TMEM132B: variants seen among roughly 807,000 people sequenced by gnomAD.
TMEM132B encodes the protein transmembrane protein 132B.
TMEM132B carries 18 observed loss-of-function variants against 90.8 expected under a neutral mutation model. That is an observed-to-expected ratio of 0.20 (90% CI 0.14 to 0.29). The LOEUF (loss-of-function observed/expected upper bound fraction) is 0.29. TMEM132B is among the 10% of genes least tolerant of loss of function. TMEM132B has a pLI of 1.00. For missense variants in TMEM132B, 1,096 were observed against 1,326.8 expected, an observed-to-expected ratio of 0.83 and a Z score of 2.70; for synonymous variants, 504 against 523.3, an observed-to-expected ratio of 0.96 and a Z score of 0.50.
At chr12:125,255,384 G>A (rs1022380355) in intron 1 of TMEM132B, among the ~76,000 whole-genome samples, 1 of 152,264 alleles carries the variant, frequency 6.6e-6, no homozygotes, top group East Asian at 1.9e-4. Flanking sequence ...GCCCACGGGG[G>A]CGGCATGGCT....
intron 3 of TMEM132B, among the ~76,000 whole-genome samples, chr12:125,457,668 G>C (rs1455402904): frequency 6.6e-6 from 1 of 152,212 alleles, no homozygotes; most frequent in African/African-American, 2.4e-5. Context: ...ACAGGTGACG[G>C]TGAAGCTGCC....
At chr12:125,534,768 A>G (rs1883752736) in intron 4 of TMEM132B, among the ~76,000 whole-genome samples, 1 of 152,056 alleles carries the variant, frequency 6.6e-6, no homozygotes, top group Admixed American at 6.5e-5. Context: ...CCGCTCTTTC[A>G]GATGCCACAA....
At chr12:125,338,591 G>C (rs559284690) in intron 1 of TMEM132B, among the ~76,000 whole-genome samples, 2 of 152,242 alleles carry the variant, frequency 1.3e-5, no homozygotes, top group South Asian at 2.1e-4. Flanking sequence ...TTTCACACCT[G>C]TCCTTACTGT....
At chr12:125,595,882 T>A (rs930700154) in intron 5 of TMEM132B, among the ~76,000 whole-genome samples, 1 of 151,764 alleles carries the variant, frequency 6.6e-6, no homozygotes, top group South Asian at 2.1e-4. Context: ...TTTTTTTTTT[T>A]TCTCCCTACT....
chr12:125,565,257 G>A (rs555216255), intron 4 of TMEM132B, among the ~76,000 whole-genome samples: 7 of 152,314 alleles, frequency 4.6e-5, no homozygotes, highest in Admixed American at 4.6e-4. Flanking sequence ...CAGGATGCGA[G>A]ACAGAATCGT....
chr12:125,411,781 G>A (rs1015569898), intron 2 of TMEM132B, among the ~76,000 whole-genome samples: 1 of 152,298 alleles, frequency 6.6e-6, no homozygotes, highest in Admixed American at 6.5e-5. Flanking sequence ...GGCCACCTTG[G>A]TCTTTCCTCT....
intron 2 of TMEM132B, among the ~76,000 whole-genome samples, chr12:125,376,442 G>A (rs545304205): frequency 4.3e-4 from 66 of 152,330 alleles, no homozygotes; most frequent in South Asian, 1.2e-3. Flanking sequence ...GACTGGGAAC[G>A]TTGGTTGACA....
chr12:125,412,489 G>A (rs1281043329), intron 2 of TMEM132B, among the ~76,000 whole-genome samples: 1 of 152,192 alleles, frequency 6.6e-6, no homozygotes, highest in Non-Finnish European at 1.5e-5. Flanking sequence ...AAAGGAGTGG[G>A]GTTTGGAGTG....
chr12:125,358,159 G>A (rs146292939), intron 2 of TMEM132B, among the ~76,000 whole-genome samples: 117 of 152,180 alleles, frequency 7.7e-4, no homozygotes, highest in African/African-American at 2.7e-3. Context: ...GGGGGAGACA[G>A]CAAACACACA....
At chr12:125,594,675 G>A (rs931704641) in intron 5 of TMEM132B, among the ~76,000 whole-genome samples, 6 of 152,182 alleles carry the variant, frequency 3.9e-5, no homozygotes, top group Non-Finnish European at 5.9e-5. Flanking sequence ...GCCATCTACT[G>A]ATTTTGGTGA....
At chr12:125,248,007 G>A (rs1012268025) in intron 1 of TMEM132B, among the ~76,000 whole-genome samples, 8 of 152,178 alleles carry the variant, frequency 5.3e-5, no homozygotes, top group African/African-American at 1.9e-4. Flanking sequence ...TTGGATTAGC[G>A]CATGTGTTCT....
Position 125,277,617 on chromosome 12 carries a change from C to T in TMEM132B, c.68-71835C>T, listed in dbSNP as rs1024381809. The stretch of plus-strand genomic sequence containing the variant: ...GCCAGGGAACACCAAGGGTTTCCAG[C>T]GACCCCAGAGGCAAAGAGAAAGGCG... On this transcript the variant is annotated intron_variant, in intron 1 of 8. Transcript: ENST00000682704. This position sits in a 1 kb window ranked among gnomAD's most constrained non-coding sequence, Gnocchi z 4.3. Among the ~76,000 whole-genome samples, 13 of 151,842 alleles carry T rather than the reference C, an allele frequency of 8.6e-5. No individual in the cohort carries two copies. The highest frequency in any genetic ancestry group is 7.9e-4 in the Admixed American group (12 of 15,246).
At chr12:125,258,593 C>T (rs1874491711) in intron 1 of TMEM132B, among the ~76,000 whole-genome samples, 1 of 152,130 alleles carries the variant, frequency 6.6e-6, no homozygotes, top group South Asian at 2.1e-4. Flanking sequence ...TCCAGAGTCA[C>T]ATAGCATCAC....
At chr12:125,321,224 A>G (rs75198564) in intron 1 of TMEM132B, among the ~76,000 whole-genome samples, 19,450 of 152,246 alleles carry the variant, frequency 0.13, 1,575 homozygotes, top group Non-Finnish European at 0.17. Context: ...GTTATGTGAC[A>G]TCTCTCAATT....
intron 3 of TMEM132B, among the ~76,000 whole-genome samples, chr12:125,485,400 A>T (rs1297379209): frequency 1.3e-5 from 2 of 152,138 alleles, no homozygotes; most frequent in Non-Finnish European, 2.9e-5. Context: ...AGCAGCATTA[A>T]TTACTGAGTT....
At chr12:125,364,806 G>T (rs1426290330) in intron 2 of TMEM132B, among the ~76,000 whole-genome samples, 1 of 151,858 alleles carries the variant, frequency 6.6e-6, no homozygotes, top group Non-Finnish European at 1.5e-5. Flanking sequence ...ATGTTTTGTT[G>T]ATAGGATATA....
intron 3 of TMEM132B, among the ~76,000 whole-genome samples, chr12:125,471,981 C>T (rs1881737465): frequency 6.6e-6 from 1 of 152,106 alleles, no homozygotes; most frequent in African/African-American, 2.4e-5. Context: ...AGAGTTCAAC[C>T]TTGTGGTCTT....
intron 1 of TMEM132B, among the ~76,000 whole-genome samples, chr12:125,335,944 G>A (rs532693520): frequency 1.3e-5 from 2 of 152,226 alleles, no homozygotes; most frequent in South Asian, 2.1e-4. Context: ...CCAAGATTGC[G>A]CCACTGCACT....
intron 1 of TMEM132B, among the ~76,000 whole-genome samples, chr12:125,229,657 T>C (rs10846846): frequency 0.037 from 5,671 of 152,322 alleles, 132 homozygotes; most frequent in Non-Finnish European, 0.049. Context: ...ACAGATATTC[T>C]CGTGTTGCAG....
Sources: gnomAD v4.1 joint callset for allele counts (sites outside exome capture counted in the v4.1 genomes callset) on GRCh38, gnomAD v4.1.1 for gene constraint, Gnocchi (gnomAD v3.1) non-coding constraint, MANE v1.5 for transcripts, NCBI Gene and HGNC (gene_info 2026-07-23, HGNC 2026-07-21) for gene names.